Variants in FOXRED2 observed in about 807,000 individuals in gnomAD.
FOXRED2 encodes the protein FAD-dependent oxidoreductase domain-containing protein 2.
A neutral mutation model predicts 52.5 loss-of-function variants in FOXRED2; 32 were observed. That is an observed-to-expected ratio of 0.61 (90% CI 0.46 to 0.82). FOXRED2 has a LOEUF of 0.82. FOXRED2 is among the 40% of genes least tolerant of loss of function. FOXRED2 has a pLI of 0.00. For missense variants in FOXRED2, 848 were observed against 937.5 expected (o/e 0.90, Z 1.25); for synonymous variants, 405 against 398.1 (o/e 1.02, Z -0.21).
In FOXRED2 at chr22:36,506,189, G is replaced by A; in HGVS notation, c.234C>T (p.Leu78=). The part of the protein sequence containing the change: ...FFTRYPRHRK[L]ISINKRYTGK... ...CCGTGTACCGCTTGTTGATGCTGAT[G>A]AGCTTGCGGTGCCGCGGGTAGCGTG... Residue 78 remains leucine (L), a synonymous_variant, in exon 2 of 9, where the codon CTC becomes CTT. Coordinates refer to ENST00000397224, the MANE Select transcript of FOXRED2 (RefSeq NM_001102371.2). The A allele has an allele frequency of 6.2e-7, 1 of 1,614,226 alleles. No individual in the cohort carries two copies. Among genetic ancestry groups the A allele is most frequent in the Non-Finnish European group, 8.5e-7 (1 of 1,180,022 alleles).
At position 36,503,323 on chromosome 22, in the gene FOXRED2, T is replaced by C. The variant is rs184851377; in HGVS notation, c.1049+775A>G. ...CTGCACACATTCTTCTTTCTTTTTT[T>C]TTTTTTTTGAGATAAGAGTCTCGTC... On this transcript the variant is annotated intron_variant, in intron 4 of 8. Transcript: ENST00000397224. Among the ~76,000 whole-genome samples the C allele has an allele frequency of 2.8e-4, 43 of 151,336 alleles. 3 individuals are homozygous for C. In the East Asian group the frequency reaches 8.4e-3, roughly 30 times the overall value.
At position 36,493,595 on chromosome 22, in the gene FOXRED2, G is replaced by A. The variant is rs772364288; in HGVS notation, c.1795+38C>T. ...GTCTCTGTGACCTTTCTTCAACCTG[G>A]AGCTCAGACCCTTTGTCTTTCTGGG... is the stretch of plus-strand genomic sequence containing the variant. On this transcript the variant is annotated intron_variant, in intron 8 of 8. Coordinates refer to ENST00000397224, the MANE Select transcript of FOXRED2 (RefSeq NM_001102371.2). The A allele has an allele frequency of 5.0e-6, 8 of 1,585,592 alleles. No homozygotes were observed. In the Admixed American group the frequency reaches 5.2e-5, roughly 10 times the overall value.
At chr22:36,491,209 T>C (rs1291197789) in intron 8 of FOXRED2, among the ~76,000 whole-genome samples, 2 of 151,522 alleles carry the variant, frequency 1.3e-5, no homozygotes, top group Non-Finnish European at 2.9e-5. Context: ...AAAGAAGCCA[T>C]GCAAAGAGAG....
At chr22:36,491,116 C>T (rs1044104325) in intron 8 of FOXRED2, among the ~76,000 whole-genome samples, 4 of 151,362 alleles carry the variant, frequency 2.6e-5, no homozygotes, top group South Asian at 4.2e-4. Flanking sequence ...GAGCCAAGAT[C>T]GTGCCACTGC....
At position 36,493,777 on chromosome 22, in the gene FOXRED2, G is replaced by A. The variant is rs370987188; in HGVS notation, c.1651C>T (p.His551Tyr). Reference sequence around the variant, plus strand: ...GCCGTGGGCCGAGGCAGGGGCCAGTGTGCAGGGCGGAACCTCACCTCCTGT... The same window carrying A: ...GCCGTGGGCCGAGGCAGGGGCCAGTATGCAGGGCGGAACCTCACCTCCTGT... ...TEQEVRFRPAHWPLPRPTAIH... is the reference protein window; with the variant it reads ...TEQEVRFRPAYWPLPRPTAIH... Residue 551 changes from histidine to tyrosine, a missense_variant, in exon 8 of 9, where the codon CAC becomes TAC. Physicochemically the swap from His to Tyr is moderately conservative, Grantham distance 83. Transcript: ENST00000397224. The A allele has an allele frequency of 2.3e-4, 379 of 1,614,210 alleles. 5 individuals carry two copies. In the South Asian group the frequency reaches 2.8e-3, roughly 12 times the overall value.
At position 36,506,277 on chromosome 22, in the gene FOXRED2, AG is replaced by A. The variant is rs1375550564; in HGVS notation, c.145del (p.Leu49CysfsTer117). 4 of 1,603,200 alleles carry A rather than the reference AG, an allele frequency of 2.5e-6. No individual in the cohort carries two copies. Among genetic ancestry groups the A allele is most frequent in the South Asian group, 1.1e-5 (1 of 90,556 alleles). ...TGCGTAGTCGCGTCCAGCGCGCTGC[AG>A]GAAGTAGGCCATCTGCAGGCCCGCG... ...GPAGLQMAYF[L>X]QRAGRDYAVF... On this transcript the variant is annotated frameshift_variant, in exon 2 of 9. Coordinates refer to ENST00000397224, the MANE Select transcript of FOXRED2 (RefSeq NM_001102371.2). LOFTEE classifies it high-confidence loss of function.
chr22:36,501,534 C>G (rs190588694), intron 4 of FOXRED2, 127 bp from the exon 5 acceptor site: 181 of 852,562 alleles, frequency 2.1e-4, no homozygotes, highest in Non-Finnish European at 3.2e-4. Context: ...GATCTCGGCT[C>G]ACTGCAACCT....
At position 36,498,061 on chromosome 22, in the gene FOXRED2, G is replaced by A. The variant is rs762876668; in HGVS notation, c.1312C>T (p.Arg438Trp). The A allele has an allele frequency of 4.8e-5, 77 of 1,613,920 alleles. No individual in the cohort carries two copies. The highest frequency in any genetic ancestry group is 1.7e-4 in the Middle Eastern group (1 of 6,054). ...PITQLTSSIV[R>W]RVNEASGLYQ... Reference sequence around the variant, plus strand: ...AGCCCAGAAGCCTCATTCACGCGCCGCACGATGGAGCTGGTCAGCTGTGTG... The same window carrying A: ...AGCCCAGAAGCCTCATTCACGCGCCACACGATGGAGCTGGTCAGCTGTGTG... The change falls in exon 6 of 9, where the codon CGG (arginine) becomes TGG (tryptophan). Residue 438 changes from arginine (R) to tryptophan (W), a missense_variant. By Grantham distance (101) the Arg-to-Trp change is moderately radical (BLOSUM62 -3). Coordinates refer to ENST00000397224, the MANE Select transcript of FOXRED2 (RefSeq NM_001102371.2).
intron 5 of FOXRED2, among the ~76,000 whole-genome samples, chr22:36,500,330 C>T (rs1428616914): frequency 6.6e-6 from 1 of 152,144 alleles, no homozygotes; most frequent in Non-Finnish European, 1.5e-5. Context: ...CTGCCAGGGT[C>T]GTGTGTTCAG....
intron 2 of FOXRED2, among the ~76,000 whole-genome samples, chr22:36,505,012 GGT>G (rs1934156625): frequency 6.6e-6 from 1 of 152,162 alleles, no homozygotes; most frequent in Non-Finnish European, 1.5e-5. Flanking sequence ...CTGTACTGGG[GGT>G]TAAATTTGCC....
intron 7 of FOXRED2, 53 bp from the exon 8 acceptor site, chr22:36,493,856 T>G: frequency 6.5e-7 from 1 of 1,537,162 alleles, no homozygotes; most frequent in Admixed American, 1.7e-5. Flanking sequence ...GGGCTTCCCC[T>G]CCTCGGGCCG....
rs1369639092 is a variant in FOXRED2 at position 36,495,937 on chromosome 22, C to T, written c.1624+30G>A. 2.5e-6 allele frequency: 4 copies of T among 1,608,650 alleles called. No homozygotes were observed. In the African/African-American group the frequency reaches 4.0e-5, roughly 16 times the overall value. ...CAGACGGTGAGGTCTGAGGAGCCCA[C>T]AGGTTGGGGAAGGGCAGAGACCTGC... On this transcript the variant is annotated intron_variant, in intron 7 of 8. Coordinates refer to ENST00000397224, the MANE Select transcript of FOXRED2 (RefSeq NM_001102371.2).
rs1214093199 is a variant in FOXRED2, at chr22:36,490,098, G to A, written c.1965C>T (p.Ser655=). The A allele has an allele frequency of 6.2e-7, 1 of 1,613,840 alleles. No individual in the cohort carries two copies. The highest frequency in any genetic ancestry group is 1.7e-5 in the Admixed American group (1 of 59,996). ...GTGGCTCTTGGTCGCCAAGCTGCTG[G>A]CTGCTGTCCTCCAGGCGCCTGCCTG... ...APTGRRLEDS[S]QQLGDQEPLG... Residue 655 remains serine, a synonymous_variant, in exon 9 of 9, where the codon AGC becomes AGT. Coordinates refer to ENST00000397224, the MANE Select transcript of FOXRED2 (RefSeq NM_001102371.2).
rs370928313 is a variant in FOXRED2 at position 36,501,997 on chromosome 22, C to A, written c.1050-590G>T. 3.3e-5 allele frequency among the ~76,000 whole-genome samples: 5 copies of A among 151,804 alleles called. No homozygotes were observed. In the South Asian group the frequency reaches 8.3e-4, roughly 25 times the overall value. ...TGGCCAACACAGTGAAACCCTGTCGCTATGAAAAAATACAAAAAGAGTTAG... is the reference window on the plus strand; with the variant it reads ...TGGCCAACACAGTGAAACCCTGTCGATATGAAAAAATACAAAAAGAGTTAG... On this transcript the variant is annotated intron_variant, in intron 4 of 8. Coordinates refer to ENST00000397224, the MANE Select transcript of FOXRED2 (RefSeq NM_001102371.2).
At chr22:36,505,781 A>G in intron 2 of FOXRED2, 115 bp downstream of exon 2, 1 of 1,211,858 alleles carries the variant, frequency 8.3e-7, no homozygotes, top group Non-Finnish European at 1.2e-6. Flanking sequence ...AAAAAAAAAA[A>G]AAAGCGAAAT....
intron 7 of FOXRED2, among the ~76,000 whole-genome samples, chr22:36,494,796 C>A (rs1026922352): frequency 1.3e-5 from 2 of 151,790 alleles, no homozygotes; most frequent in African/African-American, 2.4e-5. Context: ...CACGCCACCA[C>A]GCTGGCTAAT....
chr22:36,496,048 G>A lies in FOXRED2; in HGVS notation c.1543C>T (p.Arg515Trp), dbSNP rs772698964. The A allele has an allele frequency of 3.7e-5, 59 of 1,614,086 alleles. No individual in the cohort carries two copies. Among genetic ancestry groups the A allele is most frequent in the Non-Finnish European group, 4.7e-5 (55 of 1,180,024 alleles). The change falls in exon 7 of 9, where the codon CGG becomes TGG. Residue 515 changes from arginine to tryptophan, a missense_variant. Transcript: ENST00000397224. ...GPDKDVFFDD[R>W]SVGHTEDAWQ... The stretch of plus-strand genomic sequence containing the variant: ...GCATCTTCTGTGTGCCCCACAGACC[G>A]GTCATCAAAGAAGACGTCCTTGTCG...
At chr22:36,496,511 GC>G (rs1933902265) in intron 6 of FOXRED2, among the ~76,000 whole-genome samples, 1 of 152,230 alleles carries the variant, frequency 6.6e-6, no homozygotes, top group South Asian at 2.1e-4. Context: ...AACAGAAGAG[GC>G]CGACGTGGCT....
chr22:36,495,841 C>T, intron 7 of FOXRED2, 126 bp downstream of exon 7: 1 of 1,050,448 alleles, frequency 9.5e-7, no homozygotes, highest in Non-Finnish European at 1.4e-6. Context: ...GGTCTCTAGG[C>T]AGAGTCCCGC....
Sources: gnomAD v4.1 joint callset for allele counts (sites outside exome capture counted in the v4.1 genomes callset) on GRCh38, gnomAD v4.1.1 for gene constraint, MANE v1.5 for transcripts, NCBI Gene and HGNC (gene_info 2026-07-23, HGNC 2026-07-21) for gene names.